The following TRAF3 variants were observed in gnomAD, a reference collection of about 807,000 sequenced individuals.
TRAF3 encodes the protein TNF receptor-associated factor 3.
TRAF3 carries 13 observed loss-of-function variants against 62.3 expected under a neutral mutation model. That is an observed-to-expected ratio of 0.21 (90% CI 0.14 to 0.33). The LOEUF is 0.33. TRAF3 is among the 10% of genes least tolerant of loss of function. TRAF3 has a pLI of 1.00. For synonymous variants in TRAF3, 269 were observed against 283.4 expected (o/e 0.95, Z 0.51); for missense variants, 440 against 741.8 (o/e 0.59, Z 4.73).
intron 2 of TRAF3, among the ~76,000 whole-genome samples, chr14:102,850,953 A>G (rs908611636): frequency 2.6e-5 from 4 of 152,182 alleles, no homozygotes; most frequent in Non-Finnish European, 5.9e-5. Flanking sequence ...GCAGTGGGCT[A>G]TTAAATAGGC....
intron 10 of TRAF3, among the ~76,000 whole-genome samples, chr14:102,898,126 G>T (rs969968766): frequency 6.6e-6 from 1 of 152,246 alleles, no homozygotes; most frequent in Non-Finnish European, 1.5e-5. Context: ...TGTGTCCCTA[G>T]ATTATCTGGA....
intron 4 of TRAF3, among the ~76,000 whole-genome samples, chr14:102,873,762 C>CTT (rs61630662): frequency 6.7e-6 from 1 of 149,568 alleles, no homozygotes; most frequent in Non-Finnish European, 1.5e-5. Flanking sequence ...TCATGACCTT[C>CTT]TTTTTTTTTT....
intron 4 of TRAF3, among the ~76,000 whole-genome samples, chr14:102,874,504 C>A (rs1356500860): frequency 6.6e-6 from 1 of 152,024 alleles, no homozygotes; most frequent in Non-Finnish European, 1.5e-5. Context: ...GGTGATCCAC[C>A]CACCTCGGCC....
intron 1 of TRAF3, among the ~76,000 whole-genome samples, chr14:102,793,972 G>T (rs1477591536): frequency 6.6e-6 from 1 of 152,176 alleles, no homozygotes; most frequent in East Asian, 1.9e-4. Context: ...GGCTGGTCCA[G>T]TCATGAGGGT....
intron 2 of TRAF3, among the ~76,000 whole-genome samples, chr14:102,861,308 T>C (rs1887663061): frequency 6.6e-6 from 1 of 152,156 alleles, no homozygotes; most frequent in Non-Finnish European, 1.5e-5. Context: ...TAACATCCCA[T>C]AGTGCCAAAC....
intron 1 of TRAF3, among the ~76,000 whole-genome samples, chr14:102,790,089 A>G (rs931567828): frequency 3.9e-5 from 6 of 152,014 alleles, no homozygotes; most frequent in Non-Finnish European, 5.9e-5. Context: ...CAGCCTCCCA[A>G]AGTGTTGGGA....
chr14:102,844,818 G>C (rs1234215987), intron 2 of TRAF3, among the ~76,000 whole-genome samples: 2 of 151,878 alleles, frequency 1.3e-5, no homozygotes, highest in Non-Finnish European at 2.9e-5. Flanking sequence ...AGGCGGGAGG[G>C]TTGCTTGAGG....
chr14:102,779,553 C>T (rs1413145395), intron 1 of TRAF3, among the ~76,000 whole-genome samples: 1 of 152,122 alleles, frequency 6.6e-6, no homozygotes, highest in Non-Finnish European at 1.5e-5. Context: ...TTCTGATTCT[C>T]TAAATACTCC....
chr14:102,844,676 A>G (rs1190264165), intron 2 of TRAF3, among the ~76,000 whole-genome samples: 1 of 152,198 alleles, frequency 6.6e-6, no homozygotes, highest in African/African-American at 2.4e-5. Context: ...TTAAATCTCC[A>G]TTGCAGTAAT....
At chr14:102,852,478 C>T (rs1201979287) in intron 2 of TRAF3, among the ~76,000 whole-genome samples, 6 of 152,192 alleles carry the variant, frequency 3.9e-5, no homozygotes, top group Non-Finnish European at 8.8e-5. Context: ...TGTGAGGCTG[C>T]AGTTGTCCTC....
chr14:102,779,475 C>A (rs1897183785), intron 1 of TRAF3, among the ~76,000 whole-genome samples: 1 of 152,086 alleles, frequency 6.6e-6, no homozygotes, highest in African/African-American at 2.4e-5. Context: ...ATCAAAATAT[C>A]CCTACTCTTG....
At chr14:102,814,080 T>A (rs1899364830) in intron 1 of TRAF3, among the ~76,000 whole-genome samples, 1 of 152,230 alleles carries the variant, frequency 6.6e-6, no homozygotes, top group Non-Finnish European at 1.5e-5. Context: ...AGTTCATTTT[T>A]GTATAGGATG....
intron 1 of TRAF3, among the ~76,000 whole-genome samples, chr14:102,780,195 C>T (rs531032674): frequency 2.6e-5 from 4 of 152,126 alleles, no homozygotes; most frequent in Admixed American, 2.6e-4. Context: ...GTGATGAAGC[C>T]AGAATGAGGG....
At chr14:102,789,521 C>T (rs1226250934) in intron 1 of TRAF3, among the ~76,000 whole-genome samples, 2 of 152,044 alleles carry the variant, frequency 1.3e-5, no homozygotes. Context: ...GACGTCATAA[C>T]AAGGTTTCAG....
In TRAF3 at chr14:102,891,408, C is replaced by T. The variant is rs1305054659; in HGVS notation, c.810C>T (p.Leu270=). Residue 270 remains leucine (L), a synonymous_variant, in exon 9 of 12, where the codon CTC becomes CTT. Coordinates refer to ENST00000392745, the MANE Select transcript of TRAF3 (RefSeq NM_145725.3). ...VNLLKEWSNS[L]EKKVSLLQNE... ...TGCTGAAGGAGTGGAGCAACTCGCTCGAAAAGAAGGTGGGCTGCACACTTT... is the reference window on the plus strand; with the variant it reads ...TGCTGAAGGAGTGGAGCAACTCGCTTGAAAAGAAGGTGGGCTGCACACTTT... The T allele has an allele frequency of 8.7e-6, 14 of 1,611,532 alleles. No homozygotes were observed. Among genetic ancestry groups the T allele is most frequent in the South Asian group, 2.2e-5 (2 of 90,474 alleles).
chr14:102,825,096 G>C lies in TRAF3; in HGVS notation c.-156-5238G>C, dbSNP rs139079213. 1.0e-3 allele frequency among the ~76,000 whole-genome samples: 153 copies of C among 152,366 alleles called. 1 individual carries two copies. Among genetic ancestry groups the C allele is most frequent in the African/African-American group, 3.4e-3 (143 of 41,590 alleles). Reference sequence around the variant, plus strand: ...GGTTGGTTAGGAGGAGTCAGTGCCAGAGGGAGGCAGCATGCCCTTTCTGCT... The same window carrying C: ...GGTTGGTTAGGAGGAGTCAGTGCCACAGGGAGGCAGCATGCCCTTTCTGCT... On this transcript the variant is annotated intron_variant, in intron 1 of 11. Coordinates refer to ENST00000392745, the MANE Select transcript of TRAF3 (RefSeq NM_145725.3).
chr14:102,834,039 C>T (rs1885815580), intron 2 of TRAF3, among the ~76,000 whole-genome samples: 1 of 151,950 alleles, frequency 6.6e-6, no homozygotes, highest in South Asian at 2.1e-4. Flanking sequence ...AAGCGATTTA[C>T]AGACTCTCTG....
rs1309475529 is a variant in TRAF3, at chr14:102,907,037, C to T, written c.*1253C>T. On this transcript the variant is annotated 3_prime_UTR_variant, in exon 12 of 12. Transcript: ENST00000392745. Reference sequence around the variant, plus strand: ...CAAGGGCCCTCAGACACCTCTGCACCTGCTGAGGGGAAGCCAGGCTCCACC... The same window carrying T: ...CAAGGGCCCTCAGACACCTCTGCACTTGCTGAGGGGAAGCCAGGCTCCACC... 3.9e-5 allele frequency: 6 copies of T among 152,250 alleles called. No homozygotes were observed. The highest frequency in any genetic ancestry group is 7.2e-5 in the African/African-American group (3 of 41,462). The allele number at this position is 152,250 out of a possible 1,614,324, so 9.4% of individuals were successfully genotyped here. A position where few individuals can be genotyped will look rare whatever the true frequency, so the allele number is the denominator to read the frequency against.
chr14:102,828,593 G>A (rs1339386455), intron 1 of TRAF3, among the ~76,000 whole-genome samples: 1 of 152,216 alleles, frequency 6.6e-6, no homozygotes. Flanking sequence ...TGGATTATAA[G>A]AAGGTAAGGG....
Sources: gnomAD v4.1 joint callset for allele counts (sites outside exome capture counted in the v4.1 genomes callset) on GRCh38, gnomAD v4.1.1 for gene constraint, MANE v1.5 for transcripts, NCBI Gene and HGNC (gene_info 2026-07-23, HGNC 2026-07-21) for gene names.